The following PZP variants were observed in gnomAD, a reference collection of about 807,000 sequenced individuals.
PZP encodes the protein pregnancy zone protein.
Under a neutral mutation model 179.8 loss-of-function variants are expected in PZP, and 150 were observed. The ratio of observed to expected loss-of-function variants is 0.83; its 90% CI spans 0.73 to 0.96. PZP has a LOEUF of 0.96. PZP is among the 40% of genes least tolerant of loss of function. The probability of loss-of-function intolerance (pLI) is 0.00; values close to 1 mark genes in which losing one functional copy is unlikely to be tolerated. For synonymous variants in PZP, 624 were observed against 652.3 expected (o/e 0.96, Z 0.66); for missense variants, 1,689 against 1,764.0 (o/e 0.96, Z 0.76).
chr12:9,156,303 C>T (rs1009377138), intron 28 of PZP: 7 of 212,676 alleles, frequency 3.3e-5, no homozygotes, highest in African/African-American at 9.2e-5. Context: ...ATAAGCGAGT[C>T]ATCAATGTCA....
chr12:9,139,567 T>C, the PZP span, among the ~76,000 whole-genome samples: 2 of 152,238 alleles, frequency 1.3e-5, no homozygotes, highest in Non-Finnish European at 2.9e-5. Flanking sequence ...CCTATTTCTC[T>C]TTTCTGTTTT....
chr12:9,195,392 C>T (rs1262040531), intron 10 of PZP, among the ~76,000 whole-genome samples: 3 of 151,794 alleles, frequency 2.0e-5, no homozygotes, highest in Admixed American at 6.6e-5. Context: ...TCCCCTTCCC[C>T]TGGCCCTTCC....
intron 7 of PZP, among the ~76,000 whole-genome samples, chr12:9,198,552 A>G (rs985539890): frequency 8.5e-5 from 13 of 152,158 alleles, no homozygotes; most frequent in African/African-American, 2.9e-4. Context: ...CACAGAGAAG[A>G]GAAGGGAGAG....
rs1404527233 is a variant in PZP, at chr12:9,153,247, T to C, written c.3871A>G (p.Thr1291Ala). The C allele has an allele frequency of 7.4e-6, 12 of 1,614,144 alleles. No homozygotes were observed. Among genetic ancestry groups the C allele is most frequent in the Admixed American group, 1.7e-5 (1 of 60,022 alleles). The change falls in exon 30 of 36, where the codon ACC becomes GCC. Residue 1291 changes from threonine (T) to alanine (A), a missense_variant. Thr to Ala is a moderately conservative substitution (Grantham distance 58, BLOSUM62 0). This residue lies in a region of PZP where 746 missense variants were observed against 749.2 expected (regional missense o/e 1.00). Coordinates refer to ENST00000261336, the MANE Select transcript of PZP (RefSeq NM_002864.3). The part of the protein sequence containing the change: ...TAQVTVQDSQ[T>A]FSTNFQVDNN... ...TCTACTTGGAAATTTGTAGAAAAGG[T>C]CTGTGAATCCTGAACGGTGACCTGT...
At chr12:9,173,595 A>G (rs1010271714) in intron 15 of PZP, among the ~76,000 whole-genome samples, 1 of 152,146 alleles carries the variant, frequency 6.6e-6, no homozygotes, top group Non-Finnish European at 1.5e-5. Flanking sequence ...ACTAATAAAG[A>G]AGAAAAAAAG....
Position 9,152,903 on chromosome 12 carries a change from C to T in PZP, c.4042G>A (p.Ala1348Thr). ...ILPEKEDSPF[A>T]LKVQTVPQTC... is the part of the protein sequence containing the mutation. ...TGGGGCACAGTCTGCACTTTTAAAG[C>T]AAATGGGGAGTCCTCTTTCTCTGGA... is the stretch of plus-strand genomic sequence containing the variant. Residue 1348 changes from alanine (A) to threonine (T), a missense_variant, in exon 31 of 36, where the codon GCT (alanine) becomes ACT (threonine). By Grantham distance (58) the Ala-to-Thr change is moderately conservative. This residue lies in a region of PZP where 746 missense variants were observed against 749.2 expected (regional missense o/e 1.00). Transcript: ENST00000261336. The T allele has an allele frequency of 1.9e-6, 3 of 1,614,118 alleles. No homozygotes were observed. The highest frequency in any genetic ancestry group is 2.5e-6 in the Non-Finnish European group (3 of 1,180,010).
chr12:9,176,000 C>T (rs1397547316), intron 15 of PZP, among the ~76,000 whole-genome samples: 1 of 152,150 alleles, frequency 6.6e-6, no homozygotes, highest in Non-Finnish European at 1.5e-5. Context: ...TATAAAGATA[C>T]ATGCTTGCAT....
chr12:9,137,893 G>A, the PZP span, among the ~76,000 whole-genome samples: 13 of 151,974 alleles, frequency 8.6e-5, no homozygotes, highest in Admixed American at 8.5e-4. Context: ...CTGTATTTGT[G>A]TATTAGTTTT....
chr12:9,197,879 ATAT>A (rs990114016), intron 7 of PZP, among the ~76,000 whole-genome samples: 4 of 122,454 alleles, frequency 3.3e-5, no homozygotes, highest in Middle Eastern at 3.9e-3. Flanking sequence ...TATAATATAA[ATAT>A]TAATAATATA....
the PZP span, among the ~76,000 whole-genome samples, chr12:9,143,832 T>C: frequency 2.0e-5 from 3 of 152,134 alleles, no homozygotes; most frequent in Non-Finnish European, 2.9e-5. Context: ...GGAGAGGACA[T>C]AGGAATTTTG....
the PZP span, among the ~76,000 whole-genome samples, chr12:9,142,573 A>C: frequency 2.6e-5 from 4 of 152,228 alleles, no homozygotes; most frequent in Non-Finnish European, 4.4e-5. Context: ...TGATTTAAGC[A>C]CTTATTTTTC....
rs1940473110 is a variant in PZP at position 9,152,970 on chromosome 12, A to C, written c.3994-19T>G. 1 of 1,614,036 alleles carries C rather than the reference A, an allele frequency of 6.2e-7. No homozygotes were observed. Among genetic ancestry groups the C allele is most frequent in the Admixed American group, 1.7e-5 (1 of 60,014 alleles). ...TGGATGTCTGTGAAACAGCAAAGAC[A>C]CTATCAGTTTCTCTCTTTTTCTGGA... is the stretch of plus-strand genomic sequence containing the variant. On this transcript the variant is annotated intron_variant, in intron 30 of 35. Coordinates refer to ENST00000261336, the MANE Select transcript of PZP (RefSeq NM_002864.3).
At chr12:9,204,382 T>C (rs1944343711) in intron 1 of PZP, among the ~76,000 whole-genome samples, 1 of 152,202 alleles carries the variant, frequency 6.6e-6, no homozygotes, top group Non-Finnish European at 1.5e-5. Flanking sequence ...AAAATCTGTC[T>C]AGATAAACAT....
chr12:9,147,228 C>T (rs942586244), downstream of PZP, among the ~76,000 whole-genome samples: 1 of 152,174 alleles, frequency 6.6e-6, no homozygotes, highest in Non-Finnish European at 1.5e-5. Flanking sequence ...ATAGTGCCTA[C>T]CAGTCCAACT....
At chr12:9,165,832 A>G (rs999047459) in intron 18 of PZP, among the ~76,000 whole-genome samples, 3 of 152,234 alleles carry the variant, frequency 2.0e-5, no homozygotes, top group Non-Finnish European at 4.4e-5. Flanking sequence ...CATGTCTACT[A>G]TTTGACAGTA....
At chr12:9,154,479 C>T (rs1225091636) in intron 29 of PZP, 137 bp downstream of exon 29, 4 of 888,076 alleles carry the variant, frequency 4.5e-6, no homozygotes. Flanking sequence ...CCTTTAAATT[C>T]TCATGGTCCT....
Position 9,168,894 on chromosome 12 carries a change from T to C in PZP, c.2082A>G (p.Gly694=). Residue 694 remains glycine, a synonymous_variant, in exon 17 of 36, where the codon GGA becomes GGG. Coordinates refer to ENST00000261336, the MANE Select transcript of PZP (RefSeq NM_002864.3). ...SCSVIPSVSA[G]AVGQGYYGAG... is the part of the protein sequence containing the mutation. ...CTCCATAGTATCCTTGACCTACTGC[T>C]CCTGCAGACACGGAAGGGATGACTG... 2 of 1,614,026 alleles carry C rather than the reference T, an allele frequency of 1.2e-6. No individual in the cohort carries two copies. The highest frequency in any genetic ancestry group is 1.1e-5 in the South Asian group (1 of 91,080).
chr12:9,167,704 C>G (rs1373997017), intron 17 of PZP, among the ~76,000 whole-genome samples: 3 of 152,124 alleles, frequency 2.0e-5, no homozygotes, highest in Non-Finnish European at 2.9e-5. Context: ...ATTTCAATCC[C>G]TGTTATGTAT....
chr12:9,149,547 T>A lies in PZP; in HGVS notation c.4426+14A>T. ...AATGCCATCTAGTACTGGTCATAAG[T>A]GGTGAACTCTTACCTGTGCTGCAGG... On this transcript the variant is annotated intron_variant, in intron 35 of 35. Coordinates refer to ENST00000261336, the MANE Select transcript of PZP (RefSeq NM_002864.3). 6.2e-7 allele frequency: 1 copy of A among 1,609,982 alleles called. No individual in the cohort carries two copies. The highest frequency in any genetic ancestry group is 8.5e-7 in the Non-Finnish European group (1 of 1,177,160).
Sources: allele counts gnomAD v4.1 joint callset (sites outside exome capture counted in the v4.1 genomes callset), GRCh38; gene constraint gnomAD v4.1.1; regional missense constraint gnomAD v4.1.1; transcripts MANE v1.5; gene names NCBI Gene and HGNC (gene_info 2026-07-23, HGNC 2026-07-21).